Variants in PPME1 observed in about 807,000 individuals in gnomAD.
PPME1 encodes protein phosphatase methylesterase 1, also known as testicular secretory protein Li 39.
Under a neutral mutation model 56.9 loss-of-function variants are expected in PPME1, and 17 were observed. That is an observed-to-expected ratio of 0.30 (90% CI 0.20 to 0.45). The LOEUF (loss-of-function observed/expected upper bound fraction) is 0.45, where lower values mean the gene tolerates loss of function less well. Ranked by LOEUF, PPME1 falls within the 20% of genes least tolerant of loss-of-function variation. PPME1 has a pLI of 1.00. For missense variants in PPME1, 357 were observed against 483.2 expected (o/e 0.74, Z 2.45); for synonymous variants, 122 against 156.2 (o/e 0.78, Z 1.63).
At chr11:74,240,359 T>C (rs1470362166) in intron 9 of PPME1, among the ~76,000 whole-genome samples, 5 of 152,218 alleles carry the variant, frequency 3.3e-5, no homozygotes, top group Admixed American at 3.3e-4. Context: ...TGCATGAATT[T>C]CCCTCTGCAT....
At chr11:74,199,748 C>T (rs1300961993) in intron 1 of PPME1, among the ~76,000 whole-genome samples, 1 of 152,200 alleles carries the variant, frequency 6.6e-6, no homozygotes, top group East Asian at 1.9e-4. Flanking sequence ...AATGGATTCA[C>T]AGTTCCACAT....
At chr11:74,222,678 C>T (rs771425362) in intron 4 of PPME1, 7 of 318,618 alleles carry the variant, frequency 2.2e-5, no homozygotes, top group East Asian at 9.2e-5. Context: ...TAGTAGAGAC[C>T]GGGTTTCACC....
chr11:74,251,392 C>G, intron 12 of PPME1: 1 of 1,367,434 alleles, frequency 7.3e-7, no homozygotes, highest in Admixed American at 3.2e-5. Flanking sequence ...AAACACCATT[C>G]TGTAACTCTG....
At chr11:74,196,509 A>C (rs1857985304) in intron 1 of PPME1, among the ~76,000 whole-genome samples, 1 of 152,282 alleles carries the variant, frequency 6.6e-6, no homozygotes, top group African/African-American at 2.4e-5. Flanking sequence ...CATTGAATTT[A>C]TCTTGGCCCC....
chr11:74,200,271 G>A lies in PPME1; in HGVS notation c.102-3457G>A, dbSNP rs1858117743. On this transcript the variant is annotated intron_variant, in intron 1 of 13. Coordinates refer to ENST00000328257, the MANE Select transcript of PPME1 (RefSeq NM_016147.3). Reference sequence around the variant, plus strand: ...GTTCTGACTAAAATACAAAAATAATGTAAGATTCTTGCCACTTATGTAATG... The same window carrying A: ...GTTCTGACTAAAATACAAAAATAATATAAGATTCTTGCCACTTATGTAATG... Among the ~76,000 whole-genome samples, 3 of 151,934 alleles carry A rather than the reference G, an allele frequency of 2.0e-5. No homozygotes were observed. The South Asian group carries it at 6.2e-4, about 31-fold the overall frequency.
chr11:74,224,899 A>G (rs528824600), intron 4 of PPME1, among the ~76,000 whole-genome samples: 55 of 151,252 alleles, frequency 3.6e-4, no homozygotes, highest in African/African-American at 1.3e-3. Flanking sequence ...AACAGGGACA[A>G]TTTGACTTCC....
chr11:74,231,835 G>A (rs1338808501), intron 7 of PPME1, among the ~76,000 whole-genome samples: 5 of 152,038 alleles, frequency 3.3e-5, no homozygotes, highest in African/African-American at 1.2e-4. Context: ...AAACTCAATG[G>A]GTAAATAGTT....
intron 1 of PPME1, among the ~76,000 whole-genome samples, chr11:74,197,413 A>T (rs1858014002): frequency 6.6e-6 from 1 of 152,168 alleles, no homozygotes; most frequent in African/African-American, 2.4e-5. Context: ...TGACTGGAGG[A>T]TAATAACAAA....
At chr11:74,221,575 G>A (rs1226209081) in intron 3 of PPME1, among the ~76,000 whole-genome samples, 1 of 151,994 alleles carries the variant, frequency 6.6e-6, no homozygotes, top group Non-Finnish European at 1.5e-5. Flanking sequence ...CTTGGCCTCA[G>A]TTTTCTCATT....
At chr11:74,220,590 C>T (rs1858772607) in intron 3 of PPME1, among the ~76,000 whole-genome samples, 2 of 152,058 alleles carry the variant, frequency 1.3e-5, no homozygotes, top group South Asian at 4.1e-4. Context: ...TGTAAAATGC[C>T]CTTATCTGTA....
intron 13 of PPME1, among the ~76,000 whole-genome samples, 185 bp from the exon 14 acceptor site, chr11:74,253,307 C>G (rs534027136): frequency 6.6e-6 from 1 of 152,270 alleles, no homozygotes; most frequent in African/African-American, 2.4e-5. Flanking sequence ...CATTTGGAGC[C>G]TTGGGCAAAT....
intron 9 of PPME1, among the ~76,000 whole-genome samples, chr11:74,242,897 A>AAAAAAAC (rs1565395571): frequency 6.6e-6 from 1 of 150,828 alleles, no homozygotes; most frequent in African/African-American, 2.5e-5. Context: ...AAAAAAAAAA[A>AAAAAAAC]AAAAAACAGG....
rs536394920 is a variant in PPME1, at chr11:74,235,036, A to G, written c.645-865A>G. Among the ~76,000 whole-genome samples the G allele has an allele frequency of 1.3e-4, 20 of 152,336 alleles. No homozygotes were observed. The South Asian group carries it at 3.7e-3, about 28-fold the overall frequency. ...TGTGGATTCATTTGGTAGTTAAAAG[A>G]TGAGGTAATAGTTCTGATTGCCTCG... On this transcript the variant is annotated intron_variant, in intron 7 of 13. Coordinates refer to ENST00000328257, the MANE Select transcript of PPME1 (RefSeq NM_016147.3).
chr11:74,193,177 T>G (rs763767481), intron 1 of PPME1, among the ~76,000 whole-genome samples: 1 of 152,236 alleles, frequency 6.6e-6, no homozygotes, highest in African/African-American at 2.4e-5. Context: ...TAAGTACTTA[T>G]GTGTGAATAA....
At chr11:74,228,408 A>C (rs780987695) in intron 5 of PPME1, among the ~76,000 whole-genome samples, 2 of 152,116 alleles carry the variant, frequency 1.3e-5, no homozygotes, top group South Asian at 4.1e-4. Flanking sequence ...TCATGAAATT[A>C]CTCTGAATTC....
intron 1 of PPME1, among the ~76,000 whole-genome samples, chr11:74,199,938 C>G (rs955474895): frequency 6.6e-6 from 1 of 152,170 alleles, no homozygotes; most frequent in African/African-American, 2.4e-5. Flanking sequence ...ATTCAATTAT[C>G]TCCAACCAGG....
chr11:74,219,144 C>T (rs1858731763), intron 3 of PPME1, among the ~76,000 whole-genome samples: 1 of 152,034 alleles, frequency 6.6e-6, no homozygotes, highest in Non-Finnish European at 1.5e-5. Flanking sequence ...TGCTCAACAT[C>T]ACTGATCACC....
intron 1 of PPME1, among the ~76,000 whole-genome samples, chr11:74,194,783 A>G (rs909076969): frequency 6.6e-6 from 1 of 152,178 alleles, no homozygotes; most frequent in African/African-American, 2.4e-5. Context: ...TTCAACATGC[A>G]AAGTTTCAAA....
rs1859660344 is a variant in PPME1 at position 74,251,490 on chromosome 11, T to C, written c.1075-158T>C. On this transcript the variant is annotated intron_variant, in intron 12 of 13. Transcript: ENST00000328257. ...ATAGTGGGGAGGAGTCTTCTAGCTC[T>C]GCTAGGGAGGGCCTAGGTCCTTTTA... 1.2e-5 allele frequency: 18 copies of C among 1,444,434 alleles called. No individual in the cohort carries two copies. The South Asian group carries it at 2.7e-4, about 22-fold the overall frequency. 89.5% of individuals were successfully genotyped at this position (1,444,434 alleles called of 1,614,324 possible).
Sources: allele counts gnomAD v4.1 joint callset (sites outside exome capture counted in the v4.1 genomes callset), GRCh38; gene constraint gnomAD v4.1.1; transcripts MANE v1.5; gene names NCBI Gene and HGNC (gene_info 2026-07-23, HGNC 2026-07-21).